UVSSA: variants seen among roughly 807,000 people sequenced by gnomAD.
The protein encoded by UVSSA is UV-stimulated scaffold protein A.
Under a neutral mutation model 73.9 loss-of-function variants are expected in UVSSA, and 72 were observed. The ratio of observed to expected loss-of-function variants is 0.97; its 90% confidence interval spans 0.81 to 1.19. The LOEUF is 1.19. Ranked by LOEUF, UVSSA falls within the 50% of genes most tolerant of loss-of-function variation. The pLI is 0.00. For missense variants in UVSSA, 1,150 were observed against 965.0 expected (o/e 1.19, Z -2.54); for synonymous variants, 454 against 391.3 (o/e 1.16, Z -1.89).
intron 8 of UVSSA, among the ~76,000 whole-genome samples, chr4:1,367,833 T>C (rs1425434894): frequency 6.6e-6 from 1 of 150,942 alleles, no homozygotes; most frequent in Non-Finnish European, 1.5e-5. Context: ...TGTGCCCTCA[T>C]CGGGCTTCCC....
At chr4:1,367,163 G>A (rs1467712603) in intron 8 of UVSSA, among the ~76,000 whole-genome samples, 3 of 152,186 alleles carry the variant, frequency 2.0e-5, no homozygotes, top group South Asian at 2.1e-4. Flanking sequence ...GGGAGGTGCC[G>A]AACCCTGCCA....
Position 1,366,390 on chromosome 4 carries a change from G to C in UVSSA, c.1247G>C (p.Gly416Ala). 6.2e-7 allele frequency: 1 copy of C among 1,613,628 alleles called. No homozygotes were observed. The stretch of plus-strand genomic sequence containing the variant: ...TTTGTGGAGGTCCCTGAGAAGGAGG[G>C]GTATGAGCCACACATCCCCGACCAC... Reference protein sequence around the residue: ...EDFVEVPEKEGYEPHIPDHLR... With the variant: ...EDFVEVPEKEAYEPHIPDHLR... The change falls in exon 8 of 14, where the codon GGG (glycine) becomes GCG (alanine). Residue 416 changes from glycine to alanine, a missense_variant. Gly to Ala is a moderately conservative substitution (Grantham distance 60, BLOSUM62 0). Coordinates refer to ENST00000389851, the MANE Select transcript of UVSSA (RefSeq NM_020894.4).
intron 7 of UVSSA, among the ~76,000 whole-genome samples, chr4:1,362,264 C>T (rs1716757492): frequency 6.6e-6 from 1 of 152,214 alleles, no homozygotes; most frequent in Non-Finnish European, 1.5e-5. Flanking sequence ...TTTGGAGGTG[C>T]CCTGTGCACG....
intron 2 of UVSSA, 24 bp downstream of exon 2, chr4:1,348,213 G>C (rs2109047619): frequency 1.3e-6 from 2 of 1,569,820 alleles, no homozygotes; most frequent in Non-Finnish European, 8.8e-7. Flanking sequence ...TTCAGTAACA[G>C]TAACTGACTG....
At chr4:1,351,226 C>T (rs74822748) in intron 3 of UVSSA, among the ~76,000 whole-genome samples, 6,640 of 148,698 alleles carry the variant, frequency 0.045, 308 homozygotes, top group East Asian at 0.2. Context: ...CCACCACGCC[C>T]GGCTAATTTT....
chr4:1,362,571 T>C (rs1474232913), intron 7 of UVSSA, among the ~76,000 whole-genome samples: 1 of 152,094 alleles, frequency 6.6e-6, no homozygotes, highest in Non-Finnish European at 1.5e-5. Context: ...CCACATAGGG[T>C]GTATGATCTC....
rs1720130095 is a variant in UVSSA at position 1,386,542 on chromosome 4, G to GT, written c.*582dup. ...CCCTCCAATGTATAAAACAAAGGAG[G>GT]TGAAAACCTGTCCATGCGGAAGCTT... On this transcript the variant is annotated 3_prime_UTR_variant, in exon 14 of 14. Coordinates refer to ENST00000389851, the MANE Select transcript of UVSSA (RefSeq NM_020894.4). 6.5e-6 allele frequency: 1 copy of GT among 153,232 alleles called. No individual in the cohort carries two copies. Among genetic ancestry groups the GT allele is most frequent in the African/African-American group, 2.4e-5 (1 of 41,456 alleles). The allele number at this position is 153,232 out of a possible 1,614,324, so 9.5% of individuals were successfully genotyped here.
chr4:1,369,625 A>G (rs761479803), intron 8 of UVSSA, among the ~76,000 whole-genome samples: 6 of 152,050 alleles, frequency 3.9e-5, no homozygotes, highest in Non-Finnish European at 7.4e-5. Flanking sequence ...TCTTTCTCCA[A>G]TTTACATTTT....
intron 3 of UVSSA, 131 bp downstream of exon 3, chr4:1,349,985 C>G (rs1028774938): frequency 2.4e-6 from 2 of 846,134 alleles, no homozygotes; most frequent in Non-Finnish European, 3.5e-6. Context: ...CCTGAACACC[C>G]AGGCTGCCAG....
chr4:1,372,572 G>A (rs560793424), intron 8 of UVSSA, among the ~76,000 whole-genome samples: 5 of 152,268 alleles, frequency 3.3e-5, no homozygotes, highest in African/African-American at 1.2e-4. Context: ...CATCACATTG[G>A]ATCATCCAGA....
chr4:1,383,630 C>A, intron 12 of UVSSA, 136 bp from the exon 13 acceptor site: 2 of 986,902 alleles, frequency 2.0e-6, no homozygotes, highest in South Asian at 1.4e-5. Context: ...AGGCTTGCTG[C>A]TGCCAGGGTA....
chr4:1,395,002 T>C (rs79415192), exon 14 of UVSSA: 16,884 of 938,870 alleles, frequency 0.018, 1,402 homozygotes, highest in Non-Finnish European at 0.018. Context: ...CGTGCCGACG[T>C]GGAGTGCCCG....
At chr4:1,365,675 G>A (rs576415847) in intron 7 of UVSSA, among the ~76,000 whole-genome samples, 139 of 152,354 alleles carry the variant, frequency 9.1e-4, no homozygotes, top group Non-Finnish European at 1.7e-3. Context: ...AGAAGTACTT[G>A]TCCCTTTCTG....
intron 13 of UVSSA, chr4:1,385,001 A>T (rs1218422078): frequency 3.3e-5 from 5 of 152,280 alleles, no homozygotes. Flanking sequence ...AAGGCACCTT[A>T]GCCCTTGGAG....
intron 7 of UVSSA, among the ~76,000 whole-genome samples, chr4:1,362,556 C>T (rs893692397): frequency 3.9e-5 from 6 of 152,248 alleles, no homozygotes; most frequent in Admixed American, 3.3e-4. Flanking sequence ...TCTCCAGCCC[C>T]AGCACCACAT....
chr4:1,355,254 G>C lies in UVSSA; in HGVS notation c.1176+9G>C. On this transcript the variant is annotated intron_variant, in intron 7 of 13. Transcript: ENST00000389851. The stretch of plus-strand genomic sequence containing the variant: ...GAGGGGAAAGGCGCAGGGTGAGTGG[G>C]CAGGCGGCGAGCGGGAAGGGGTCCC... The C allele has an allele frequency of 6.2e-7, 1 of 1,606,636 alleles. No individual in the cohort carries two copies. The highest frequency in any genetic ancestry group is 8.5e-7 in the Non-Finnish European group (1 of 1,177,064).
At chr4:1,389,634 C>G (rs1275742293), downstream of UVSSA, 1 of 152,186 alleles carries the variant, frequency 6.6e-6, no homozygotes, top group East Asian at 1.9e-4. Context: ...CTGTCTTAGC[C>G]TAGCAAAGTG....
chr4:1,355,080 G>A (rs369375704), intron 6 of UVSSA, 37 bp from the exon 7 acceptor site: 80 of 1,607,124 alleles, frequency 5.0e-5, no homozygotes, highest in African/African-American at 9.3e-5. Flanking sequence ...GGTCCTGCCC[G>A]GCCGGCCCCT....
chr4:1,350,084 G>C (rs974264597), intron 3 of UVSSA, among the ~76,000 whole-genome samples: 1 of 152,124 alleles, frequency 6.6e-6, no homozygotes, highest in Non-Finnish European at 1.5e-5. Context: ...AAGAGCATAA[G>C]CTTTATGTGT....
Sources: gnomAD v4.1 joint callset for allele counts (sites outside exome capture counted in the v4.1 genomes callset) on GRCh38, gnomAD v4.1.1 for gene constraint, MANE v1.5 for transcripts, NCBI Gene and HGNC (gene_info 2026-07-23, HGNC 2026-07-21) for gene names.